The following POLR1F variants were observed in gnomAD, a reference collection of about 807,000 sequenced individuals.
POLR1F encodes RNA polymerase I subunit F, also known as DNA-directed RNA polymerase I subunit RPA43.
POLR1F carries 23 observed loss-of-function variants against 21.8 expected under a neutral mutation model. The observed-to-expected ratio is 1.05, with a 90% CI of 0.76 to 1.49. POLR1F has a LOEUF of 1.49. POLR1F is among the 40% of genes most tolerant of loss of function. The pLI, the probability that POLR1F is intolerant of heterozygous loss-of-function variation, is 0.00. For synonymous variants in POLR1F, 162 were observed against 152.8 expected (o/e 1.06, Z -0.45); for missense variants, 435 against 412.1 (o/e 1.06, Z -0.48).
At chr7:19,706,791 T>C (rs1010237296) in intron 1 of POLR1F, among the ~76,000 whole-genome samples, 48 of 152,208 alleles carry the variant, frequency 3.2e-4, no homozygotes, top group African/African-American at 1.1e-3. Flanking sequence ...TTTTTCCTCC[T>C]TCACTTTTGT....
chr7:19,702,220 G>C (rs1369547250), intron 2 of POLR1F, among the ~76,000 whole-genome samples: 1 of 152,080 alleles, frequency 6.6e-6, no homozygotes, highest in African/African-American at 2.4e-5. Context: ...TTGATAATAG[G>C]GGAAAGGGGG....
chr7:19,707,080 T>G (rs1374249418), intron 1 of POLR1F, among the ~76,000 whole-genome samples: 1 of 152,232 alleles, frequency 6.6e-6, no homozygotes, highest in African/African-American at 2.4e-5. Flanking sequence ...CCAAATGTTA[T>G]GACTACTTTG....
intron 2 of POLR1F, among the ~76,000 whole-genome samples, chr7:19,702,115 G>T (rs1332038338): frequency 6.6e-6 from 1 of 152,002 alleles, no homozygotes; most frequent in Non-Finnish European, 1.5e-5. Context: ...CACAAAGACT[G>T]AACTCTAATG....
chr7:19,699,349 A>G (rs1783420682), intron 3 of POLR1F, among the ~76,000 whole-genome samples: 1 of 152,162 alleles, frequency 6.6e-6, no homozygotes. Flanking sequence ...CATGTACCTA[A>G]TCACTACCAA....
At position 19,704,775 on chromosome 7, in the gene POLR1F, A is replaced by G. The variant is rs958221120; in HGVS notation, c.396+4T>C. The G allele has an allele frequency of 2.5e-6, 4 of 1,586,400 alleles. No individual in the cohort carries two copies. The highest frequency in any genetic ancestry group is 3.4e-6 in the Non-Finnish European group (4 of 1,172,706). ...AGGGAGCTAGAAAAAAGTGATACAC[A>G]TACCATAAGCTTCTGCCCTGGTTCA... On this transcript the variant is annotated splice_donor_region_variant and intron_variant, in intron 2 of 3. Transcript: ENST00000222567.
In POLR1F at chr7:19,696,632, T is replaced by G. The variant is rs1366644778; in HGVS notation, c.*1684A>C. On this transcript the variant is annotated 3_prime_UTR_variant, in exon 4 of 4. Transcript: ENST00000222567. ...ATATGATATAGTTTATTTCAATTTTTTTTCAACTCATACTTCCTTTAAAAT... is the reference window on the plus strand; with the variant it reads ...ATATGATATAGTTTATTTCAATTTTGTTTCAACTCATACTTCCTTTAAAAT... 1 of 152,084 alleles carries G rather than the reference T, an allele frequency of 6.6e-6. No homozygotes were observed. Among genetic ancestry groups the G allele is most frequent in the Admixed American group, 6.5e-5 (1 of 15,272 alleles). 9.4% of individuals were successfully genotyped at this position (152,084 alleles called of 1,614,324 possible).
rs1783367312 is a variant in POLR1F, at chr7:19,696,543, T to G, written c.*1773A>C. The G allele has an allele frequency of 6.6e-6, 1 of 152,076 alleles. No homozygotes were observed. Among genetic ancestry groups the G allele is most frequent in the Non-Finnish European group, 1.5e-5 (1 of 67,928 alleles). The allele number at this position is 152,076 out of a possible 1,614,324, so 9.4% of individuals were successfully genotyped here. ...TCAAACATGATTGTATACTCAAATT[T>G]TAAAATGTGAAGGGAACACTTACTA... On this transcript the variant is annotated 3_prime_UTR_variant, in exon 4 of 4. Coordinates refer to ENST00000222567, the MANE Select transcript of POLR1F (RefSeq NM_001002926.2).
At chr7:19,702,794 T>C (rs2128006587) in intron 2 of POLR1F, among the ~76,000 whole-genome samples, 1 of 152,262 alleles carries the variant, frequency 6.6e-6, no homozygotes, top group Non-Finnish European at 1.5e-5. Flanking sequence ...AAATTGCTTA[T>C]GAGGGAAACG....
rs781117301 is a variant in POLR1F, at chr7:19,698,340, T to A, written c.993A>T (p.Arg331Ser). ...FTPPLKCSPK[R>S]KGKSNFL ...ACTAAAGAAAATTACTTTTCCCTTTTCTTTTTGGTGAGCATTTCAAAGGTG... is the reference window on the plus strand; with the variant it reads ...ACTAAAGAAAATTACTTTTCCCTTTACTTTTTGGTGAGCATTTCAAAGGTG... The change falls in exon 4 of 4, where the codon AGA (arginine) becomes AGT (serine). Residue 331 changes from arginine to serine, a missense_variant. Transcript: ENST00000222567. 2.5e-6 allele frequency: 4 copies of A among 1,569,618 alleles called. No homozygotes were observed. In the East Asian group the frequency reaches 6.7e-5, roughly 26 times the overall value.
chr7:19,704,628 G>A lies in POLR1F; in HGVS notation c.396+151C>T, dbSNP rs369786064. On this transcript the variant is annotated intron_variant, in intron 2 of 3. Transcript: ENST00000222567. ...TTCAAAAACTTACCTACGTTTGAAT[G>A]ATACAAATTAATTTTTCCTTAAAAA... 8.4e-5 allele frequency: 60 copies of A among 710,896 alleles called. 1 individual carries two copies. In the Admixed American group the frequency reaches 1.0e-3, roughly 12 times the overall value. 44.0% of individuals were successfully genotyped at this position (710,896 alleles called of 1,614,324 possible). A position where few individuals can be genotyped will look rare whatever the true frequency, so the allele number is the denominator to read the frequency against.
Position 19,704,842 on chromosome 7 carries a change from G to C in POLR1F, c.333C>G (p.His111Gln), listed in dbSNP as rs1178330307. Residue 111 changes from histidine (H) to glutamine (Q), a missense_variant, in exon 2 of 4, where the codon CAC becomes CAG. His to Gln is a conservative substitution (Grantham distance 24, BLOSUM62 0). Coordinates refer to ENST00000222567, the MANE Select transcript of POLR1F (RefSeq NM_001002926.2). ...ELGDIYDDQGHIHLNIEADFV... is the reference protein window; with the variant it reads ...ELGDIYDDQGQIHLNIEADFV... ...AATCGGCTTCAATGTTAAGATGAAT[G>C]TGTCCTTGATCATCATAAATATCTC... The C allele has an allele frequency of 1.2e-6, 2 of 1,609,312 alleles. No individual in the cohort carries two copies.
intron 2 of POLR1F, among the ~76,000 whole-genome samples, chr7:19,701,100 TA>T (rs1413254543): frequency 6.6e-6 from 1 of 152,196 alleles, no homozygotes; most frequent in East Asian, 1.9e-4. Context: ...TGTGACAGAA[TA>T]AAACTTCCCT....
chr7:19,700,094 G>T lies in POLR1F; in HGVS notation c.583C>A (p.Arg195=), dbSNP rs1056489530. ...DSDAAGVFCI[R]GKLNITSLQF... is the part of the protein sequence containing the mutation. Reference sequence around the variant, plus strand: ...AACCTTGTGATATTTAGTTTTCCCCGAATGCAGAATACTCCAGCAGCATCT... The same window carrying T: ...AACCTTGTGATATTTAGTTTTCCCCTAATGCAGAATACTCCAGCAGCATCT... The change falls in exon 3 of 4, where the codon CGG becomes AGG. Residue 195 remains arginine (R), a synonymous_variant. Transcript: ENST00000222567. 1.2e-6 allele frequency: 2 copies of T among 1,613,458 alleles called. No homozygotes were observed. Among genetic ancestry groups the T allele is most frequent in the African/African-American group, 2.7e-5 (2 of 74,850 alleles).
intron 3 of POLR1F, among the ~76,000 whole-genome samples, chr7:19,699,430 T>A (rs534391990): frequency 1.3e-5 from 2 of 152,308 alleles, no homozygotes; most frequent in Admixed American, 6.5e-5. Context: ...GTGAGGCTGC[T>A]GTACTATGTA....
chr7:19,696,849 C>T lies in POLR1F; in HGVS notation c.*1467G>A, dbSNP rs185881430. Reference sequence around the variant, plus strand: ...TTTAAAATCTGGTATGTATTTTATACTGACAGCACATCTCAATTTGGACAA... The same window carrying T: ...TTTAAAATCTGGTATGTATTTTATATTGACAGCACATCTCAATTTGGACAA... On this transcript the variant is annotated 3_prime_UTR_variant, in exon 4 of 4. Coordinates refer to ENST00000222567, the MANE Select transcript of POLR1F (RefSeq NM_001002926.2). 3 of 152,200 alleles carry T rather than the reference C, an allele frequency of 2.0e-5. No individual in the cohort carries two copies. In the East Asian group the frequency reaches 5.8e-4, roughly 29 times the overall value. 9.4% of individuals were successfully genotyped at this position (152,200 alleles called of 1,614,324 possible).
Position 19,704,933 on chromosome 7 carries a change from A to G in POLR1F, c.255-13T>C. 1 of 1,551,586 alleles carries G rather than the reference A, an allele frequency of 6.4e-7. No homozygotes were observed. Among genetic ancestry groups the G allele is most frequent in the Non-Finnish European group, 8.6e-7 (1 of 1,159,302 alleles). On this transcript the variant is annotated splice_polypyrimidine_tract_variant and intron_variant, in intron 1 of 3. Transcript: ENST00000222567. ...GACACCTAAAAGGCTGTAAAAAGAA[A>G]AAGTTGAAAATGATACCTTTTATCG...
At position 19,698,459 on chromosome 7, in the gene POLR1F, G is replaced by C. The variant is rs751602102; in HGVS notation, c.874C>G (p.Pro292Ala). 5 of 1,612,022 alleles carry C rather than the reference G, an allele frequency of 3.1e-6. No individual in the cohort carries two copies. The highest frequency in any genetic ancestry group is 4.2e-6 in the Non-Finnish European group (5 of 1,179,430). The change falls in exon 4 of 4, where the codon CCT becomes GCT. Residue 292 changes from proline to alanine, a missense_variant. By Grantham distance (27) the Pro-to-Ala change is conservative. Coordinates refer to ENST00000222567, the MANE Select transcript of POLR1F (RefSeq NM_001002926.2). ...CTGGAGTCACTGCCTTGGAAAACAG[G>C]GTCCTGGTCCTGAACTTCCTGGTGC... ...KKHQEVQDQD[P>A]VFQGSDSSGY...
chr7:19,702,072 T>A (rs150464521), intron 2 of POLR1F, among the ~76,000 whole-genome samples: 1 of 152,126 alleles, frequency 6.6e-6, no homozygotes. Flanking sequence ...ATAAATGCCA[T>A]GACACATTTG....
At chr7:19,699,918 A>G (rs547115000) in intron 3 of POLR1F, among the ~76,000 whole-genome samples, 154 bp downstream of exon 3, 1 of 152,320 alleles carries the variant, frequency 6.6e-6, no homozygotes, top group South Asian at 2.1e-4. Context: ...AGTATTGTTT[A>G]TATTGACTTT....
Sources: gnomAD v4.1 joint callset for allele counts (sites outside exome capture counted in the v4.1 genomes callset) on GRCh38, gnomAD v4.1.1 for gene constraint, MANE v1.5 for transcripts, NCBI Gene and HGNC (gene_info 2026-07-23, HGNC 2026-07-21) for gene names.